Variants in DSG3 observed in about 807,000 individuals in gnomAD.
DSG3 encodes the protein desmoglein-3.
Under a neutral mutation model 85.9 loss-of-function variants are expected in DSG3, and 63 were observed. The ratio of observed to expected loss-of-function variants is 0.73; its 90% CI spans 0.60 to 0.90. The LOEUF (loss-of-function observed/expected upper bound fraction) is 0.90. Among genes scored for constraint, DSG3 ranks in the 40% least tolerant of loss-of-function variants. The probability of loss-of-function intolerance (pLI) is 0.00; values close to 1 mark genes in which losing one functional copy is unlikely to be tolerated. For synonymous variants in DSG3, 447 were observed against 441.9 expected (o/e 1.01, Z -0.14); for missense variants, 1,220 against 1,219.9 (o/e 1.00, Z 0.00).
At chr18:31,474,511 A>C in intron 15 of DSG3, 107 bp downstream of exon 15, 3 of 1,350,194 alleles carry the variant, frequency 2.2e-6, no homozygotes, top group Non-Finnish European at 3.0e-6. Flanking sequence ...GCTTGTTAAA[A>C]TGCAAGAAAA....
intron 8 of DSG3, among the ~76,000 whole-genome samples, chr18:31,462,904 G>A (rs2072794968): frequency 1.3e-5 from 2 of 152,056 alleles, no homozygotes; most frequent in Admixed American, 1.3e-4. Flanking sequence ...CTCTACACTG[G>A]CTATGAAGCT....
At chr18:31,472,504 A>T in intron 13 of DSG3, 81 bp downstream of exon 13, 1 of 1,502,314 alleles carries the variant, frequency 6.7e-7, no homozygotes, top group Non-Finnish European at 8.9e-7. Context: ...AAAAGAGGCA[A>T]AGAGATTTCT....
Position 31,463,692 on chromosome 18 carries a change from A to T in DSG3, c.1000-419A>T, listed in dbSNP as rs1408533802. The stretch of plus-strand genomic sequence containing the variant: ...ACGTATTAGGGGCCTTGATTTGTTC[A>T]GTCCTCACTACACCCTGATGAGGTA... On this transcript the variant is annotated intron_variant, in intron 8 of 15. Transcript: ENST00000257189. 2.0e-5 allele frequency among the ~76,000 whole-genome samples: 3 copies of T among 152,216 alleles called. No individual in the cohort carries two copies. The South Asian group carries it at 6.2e-4, about 32-fold the overall frequency.
At chr18:31,459,762 A>G (rs893858779) in intron 5 of DSG3, 83 bp from the exon 6 acceptor site, 32 of 1,338,130 alleles carry the variant, frequency 2.4e-5, no homozygotes, top group Non-Finnish European at 2.6e-5. Context: ...ATTAGCATCA[A>G]TGTGAACTTG....
chr18:31,459,321 G>A, intron 5 of DSG3, 144 bp downstream of exon 5: 3 of 789,616 alleles, frequency 3.8e-6, no homozygotes, highest in Non-Finnish European at 5.8e-6. Context: ...GATAAATCTG[G>A]GTCTTCCTTT....
chr18:31,460,121 A>T, intron 6 of DSG3, 110 bp downstream of exon 6: 1 of 1,202,566 alleles, frequency 8.3e-7, no homozygotes, highest in Non-Finnish European at 1.1e-6. Flanking sequence ...AGAGGTTCTC[A>T]GTACTTAACT....
In DSG3 at chr18:31,474,260, A is replaced by G. The variant is rs573211516; in HGVS notation, c.2241A>G (p.Ser747=). The change falls in exon 15 of 16, where the codon TCA becomes TCG. Residue 747 remains serine (S), a synonymous_variant. Coordinates refer to ENST00000257189, the MANE Select transcript of DSG3 (RefSeq NM_001944.3). ...FATGTVSGAA[S]GFGAATGVGI... Reference sequence around the variant, plus strand: ...CAGGGACAGTGTCAGGAGCTGCTTCAGGATTCGGAGCAGCCACTGGAGTTG... The same window carrying G: ...CAGGGACAGTGTCAGGAGCTGCTTCGGGATTCGGAGCAGCCACTGGAGTTG... 4.3e-6 allele frequency: 7 copies of G among 1,614,194 alleles called. No individual in the cohort carries two copies. The East Asian group carries it at 1.3e-4, about 31-fold the overall frequency.
At chr18:31,469,395 T>G (rs1286809463) in intron 12 of DSG3, 46 bp downstream of exon 12, 1 of 1,604,778 alleles carries the variant, frequency 6.2e-7, no homozygotes, top group Admixed American at 1.7e-5. Context: ...GTGTCCTCAT[T>G]TGCAAAGGCC....
rs757921225 is a variant in DSG3 at position 31,459,135 on chromosome 18, C to A, written c.475C>A (p.Gln159Lys). ...DINDNPPVFS[Q>K]QIFMGEIEEN... ...TAATGATAATCCTCCAGTATTTTCA[C>A]AACAAATTTTCATGGGTGAAATTGA... The change falls in exon 5 of 16, where the codon CAA (glutamine) becomes AAA (lysine). Residue 159 changes from glutamine to lysine, a missense_variant. Transcript: ENST00000257189. 4.3e-6 allele frequency: 7 copies of A among 1,613,040 alleles called. No individual in the cohort carries two copies. Among genetic ancestry groups the A allele is most frequent in the Non-Finnish European group, 3.4e-6 (4 of 1,179,876 alleles).
At chr18:31,472,828 A>G (rs2072864440) in intron 14 of DSG3, 40 bp downstream of exon 14, 2 of 1,562,370 alleles carry the variant, frequency 1.3e-6, no homozygotes, top group Non-Finnish European at 1.8e-6. Flanking sequence ...TGGTGAGTTA[A>G]GTGGTAAATA....
Position 31,476,327 on chromosome 18 carries a change from TAGCAA to T in DSG3, c.*71_*75del. On this transcript the variant is annotated 3_prime_UTR_variant, in exon 16 of 16. Transcript: ENST00000257189. ...TTGGACTAAAGTATTCAAAATAGCATAGCAAAGCTCACTGTATTGGGCTAATAATT... is the reference window on the plus strand; with the variant it reads ...TTGGACTAAAGTATTCAAAATAGCATAGCTCACTGTATTGGGCTAATAATT... 2.0e-6 allele frequency: 3 copies of T among 1,523,846 alleles called. No individual in the cohort carries two copies. The African/African-American group carries it at 4.1e-5, about 21-fold the overall frequency. The allele number at this position is 1,523,846 out of a possible 1,614,324, so 94.4% of individuals were successfully genotyped here.
intron 8 of DSG3, among the ~76,000 whole-genome samples, chr18:31,462,957 C>T (rs2072795402): frequency 6.6e-6 from 1 of 152,176 alleles, no homozygotes; most frequent in Non-Finnish European, 1.5e-5. Context: ...CTGCAACTTT[C>T]CCTTGACAGT....
intron 1 of DSG3, among the ~76,000 whole-genome samples, chr18:31,449,521 C>G (rs2072698905): frequency 6.6e-6 from 1 of 152,052 alleles, no homozygotes. Context: ...TCCTCTGATT[C>G]TGGAGTGACT....
chr18:31,457,936 C>G (rs1342567094), intron 3 of DSG3, among the ~76,000 whole-genome samples: 3 of 152,012 alleles, frequency 2.0e-5, no homozygotes, highest in African/African-American at 7.2e-5. Flanking sequence ...GCCTGTTATA[C>G]TGTTCTAACT....
At chr18:31,461,814 CG>C (rs1367840996) in intron 8 of DSG3, among the ~76,000 whole-genome samples, 7 of 152,150 alleles carry the variant, frequency 4.6e-5, no homozygotes, top group African/African-American at 1.7e-4. Flanking sequence ...CTTGCCCATT[CG>C]TCAATCGGTT....
At chr18:31,461,468 C>A (rs1252406135) in intron 8 of DSG3, 56 bp downstream of exon 8, 3 of 1,359,372 alleles carry the variant, frequency 2.2e-6, no homozygotes, top group African/African-American at 1.5e-5. Flanking sequence ...CCAAAATGAT[C>A]ATTTCTACAG....
At chr18:31,466,427 G>A in intron 10 of DSG3, 103 bp from the exon 11 acceptor site, 1 of 941,676 alleles carries the variant, frequency 1.1e-6, no homozygotes. Context: ...TTCATGAGAA[G>A]ACACACTGAG....
At chr18:31,457,607 T>C (rs1245703096) in intron 3 of DSG3, among the ~76,000 whole-genome samples, 1 of 108,750 alleles carries the variant, frequency 9.2e-6, no homozygotes, top group Non-Finnish European at 1.9e-5. Context: ...TTTCTTTCTT[T>C]CTTTCTTTCT....
intron 2 of DSG3, 77 bp from the exon 3 acceptor site, chr18:31,456,916 C>T (rs908123625): frequency 2.7e-6 from 4 of 1,468,758 alleles, no homozygotes; most frequent in Admixed American, 4.2e-5. Flanking sequence ...GGTTCCTCAA[C>T]TAGGTGTCTG....
Sources: gnomAD v4.1 joint callset for allele counts (sites outside exome capture counted in the v4.1 genomes callset) on GRCh38, gnomAD v4.1.1 for gene constraint, MANE v1.5 for transcripts, NCBI Gene and HGNC (gene_info 2026-07-23, HGNC 2026-07-21) for gene names.